Variants in RNF19B observed in about 807,000 individuals in gnomAD.
The protein encoded by RNF19B is ring finger protein 19B.
Under a neutral mutation model 65.5 loss-of-function variants are expected in RNF19B, and 23 were observed. The ratio of observed to expected loss-of-function variants is 0.35; its 90% confidence interval spans 0.25 to 0.50. RNF19B has a LOEUF of 0.50. Ranked by LOEUF, RNF19B falls within the 20% of genes least tolerant of loss-of-function variation. RNF19B has a pLI of 0.98. For synonymous variants in RNF19B, 372 were observed against 379.6 expected (o/e 0.98, Z 0.23); for missense variants, 794 against 980.0 (o/e 0.81, Z 2.53).
intron 1 of RNF19B, among the ~76,000 whole-genome samples, chr1:32,954,639 G>A (rs1486743587): frequency 1.3e-5 from 2 of 151,462 alleles, no homozygotes; most frequent in Admixed American, 1.3e-4. Context: ...TCGGGAGGCT[G>A]AGGCAGGAGA....
chr1:32,947,368 C>A (rs1378821313), intron 3 of RNF19B, among the ~76,000 whole-genome samples: 2 of 152,168 alleles, frequency 1.3e-5, no homozygotes, highest in Non-Finnish European at 2.9e-5. Context: ...TTTTAATATT[C>A]ACTCAATGAG....
At chr1:32,938,607 C>T in intron 7 of RNF19B, 79 bp from the exon 8 acceptor site, 2 of 1,427,926 alleles carry the variant, frequency 1.4e-6, no homozygotes, top group Non-Finnish European at 1.9e-6. Context: ...CACATCTCTT[C>T]CATTACTCTC....
At chr1:32,962,207 G>A (rs1642786688) in intron 1 of RNF19B, among the ~76,000 whole-genome samples, 1 of 152,172 alleles carries the variant, frequency 6.6e-6, no homozygotes, top group African/African-American at 2.4e-5. Context: ...GACCTCAGGT[G>A]ATCCACCCAC....
chr1:32,946,393 C>T lies in RNF19B; in HGVS notation c.1146+9G>A. On this transcript the variant is annotated intron_variant, in intron 4 of 8. Coordinates refer to ENST00000235150, the MANE Select transcript of RNF19B (RefSeq NM_001300826.2). Reference sequence around the variant, plus strand: ...GAAACAAGCACAGAAACCAGCATGTCTTTCTTACCTTCCTTCCAACATAAA... The same window carrying T: ...GAAACAAGCACAGAAACCAGCATGTTTTTCTTACCTTCCTTCCAACATAAA... 1 of 1,612,960 alleles carries T rather than the reference C, an allele frequency of 6.2e-7. No homozygotes were observed. Among genetic ancestry groups the T allele is most frequent in the East Asian group, 2.2e-5 (1 of 44,830 alleles).
Position 32,936,899 on chromosome 1 carries a change from T to C in RNF19B, c.2103A>G (p.Gln701=). ...TATGGGCACTTGGGCTCGGTGCACC[T>C]TGGGCTCTGGGGGTCGAGGGGCAGG... ...TAACPSTPRA[Q]GAPSPSAHMN... is the part of the protein sequence containing the mutation. The change falls in exon 9 of 9, where the codon CAA becomes CAG. Residue 701 remains glutamine (Q), a synonymous_variant. Transcript: ENST00000235150. The C allele has an allele frequency of 6.2e-7, 1 of 1,614,002 alleles. No individual in the cohort carries two copies. The highest frequency in any genetic ancestry group is 8.5e-7 in the Non-Finnish European group (1 of 1,179,974).
chr1:32,929,128 G>C, the RNF19B span, among the ~76,000 whole-genome samples: 1 of 152,154 alleles, frequency 6.6e-6, no homozygotes, highest in Non-Finnish European at 1.5e-5. Context: ...GGCTGTGGGG[G>C]AGGATCTGTT....
At position 32,964,329 on chromosome 1, in the gene RNF19B, A is replaced by C. The variant is rs1315246384; in HGVS notation, c.357T>G (p.Cys119Trp). ...GGGPGAEEVECPLCLVRLPPE... is the reference protein window; with the variant it reads ...GGGPGAEEVEWPLCLVRLPPE... ...GCGGCAGCCGCACCAGGCACAGCGG[A>C]CACTCCACCTCCTCCGCGCCCGGGC... Residue 119 changes from cysteine (C) to tryptophan (W), a missense_variant, in exon 1 of 9, where the codon TGT (cysteine) becomes TGG (tryptophan). Cys to Trp is a radical substitution (Grantham distance 215). Coordinates refer to ENST00000235150, the MANE Select transcript of RNF19B (RefSeq NM_001300826.2). This position sits in a 1 kb window ranked among gnomAD's most constrained non-coding sequence, Gnocchi z 6.5. 1.3e-6 allele frequency: 2 copies of C among 1,495,852 alleles called. No individual in the cohort carries two copies. Among genetic ancestry groups the C allele is most frequent in the Admixed American group, 2.2e-5 (1 of 45,642 alleles). The allele number at this position is 1,495,852 out of a possible 1,614,324, so 92.7% of individuals were successfully genotyped here.
intron 3 of RNF19B, among the ~76,000 whole-genome samples, chr1:32,947,349 T>C (rs201085920): frequency 3.9e-5 from 6 of 152,342 alleles, no homozygotes; most frequent in South Asian, 2.1e-4. Flanking sequence ...TATTAACTCC[T>C]CCACAACATT....
At chr1:32,949,414 T>C (rs1174838924) in intron 2 of RNF19B, among the ~76,000 whole-genome samples, 155 bp downstream of exon 2, 2 of 152,234 alleles carry the variant, frequency 1.3e-5, no homozygotes, top group East Asian at 3.8e-4. Flanking sequence ...GGAAGTGCTA[T>C]CTTTATTATA....
chr1:32,940,595 T>C lies in RNF19B; in HGVS notation c.1610+1657A>G, dbSNP rs74843990. ...CCCTTTAGCTTCTGCCAAGTCATCT[T>C]AATCTACCTTTTGGTATGAGGCATA... is the stretch of plus-strand genomic sequence containing the variant. On this transcript the variant is annotated intron_variant, in intron 7 of 8. Coordinates refer to ENST00000235150, the MANE Select transcript of RNF19B (RefSeq NM_001300826.2). Among the ~76,000 whole-genome samples, 464 of 152,340 alleles carry C rather than the reference T, an allele frequency of 3.0e-3. 1 individual carries two copies. Among genetic ancestry groups the C allele is most frequent in the Non-Finnish European group, 5.2e-3 (356 of 68,028 alleles).
At position 32,958,807 on chromosome 1, in the gene RNF19B, C is replaced by A. The variant is rs923074040; in HGVS notation, c.635+5244G>T. Among the ~76,000 whole-genome samples, 6 of 152,012 alleles carry A rather than the reference C, an allele frequency of 3.9e-5. No homozygotes were observed. In the East Asian group the frequency reaches 1.2e-3, roughly 29 times the overall value. On this transcript the variant is annotated intron_variant, in intron 1 of 8. Transcript: ENST00000235150. ...AGTTCTCAAAGACATAATAAGAACT[C>A]ATCTTATAGGTTAGGTAGTCAATGA...
intron 1 of RNF19B, among the ~76,000 whole-genome samples, chr1:32,953,887 C>G (rs1042373756): frequency 2.0e-5 from 3 of 151,260 alleles, no homozygotes; most frequent in African/African-American, 4.9e-5. Flanking sequence ...TTAACATTCC[C>G]CCAGCCCCCA....
intron 1 of RNF19B, among the ~76,000 whole-genome samples, chr1:32,961,069 T>C (rs979383): frequency 0.15 from 22,249 of 152,110 alleles, 2,276 homozygotes; most frequent in African/African-American, 0.28. Context: ...AACTCAGGCA[T>C]CTATTTGGCA....
At chr1:32,946,594 C>T (rs1642371838) in intron 3 of RNF19B, 30 bp from the exon 4 acceptor site, 1 of 1,600,712 alleles carries the variant, frequency 6.2e-7, no homozygotes, top group Non-Finnish European at 8.5e-7. Context: ...AAGTTAATGT[C>T]AACATTACAA....
chr1:32,946,352 T>C (rs773106988), intron 4 of RNF19B, 50 bp downstream of exon 4: 15 of 1,560,720 alleles, frequency 9.6e-6, no homozygotes, highest in Non-Finnish European at 1.2e-5. Flanking sequence ...AAACCTTTAC[T>C]AACGAACCTA....
chr1:32,946,636 C>T, intron 3 of RNF19B, 72 bp from the exon 4 acceptor site: 1 of 1,299,376 alleles, frequency 7.7e-7, no homozygotes, highest in Non-Finnish European at 1.1e-6. Context: ...GGCTTGATAA[C>T]AGCAACAGCC....
At position 32,952,528 on chromosome 1, in the gene RNF19B, G is replaced by A. The variant is rs1201782647; in HGVS notation, c.636-2754C>T. Among the ~76,000 whole-genome samples, 4 of 151,260 alleles carry A rather than the reference G, an allele frequency of 2.6e-5. No homozygotes were observed. The South Asian group carries it at 6.2e-4, about 24-fold the overall frequency. On this transcript the variant is annotated intron_variant, in intron 1 of 8. Coordinates refer to ENST00000235150, the MANE Select transcript of RNF19B (RefSeq NM_001300826.2). The stretch of plus-strand genomic sequence containing the variant: ...GACACTGAGGCAGGCAAGTCACAAG[G>A]TCAGGAGTTCGAGACCAGCCTGGCC...
chr1:32,940,791 C>G (rs1430117690), intron 7 of RNF19B, among the ~76,000 whole-genome samples: 1 of 152,206 alleles, frequency 6.6e-6, no homozygotes, highest in African/African-American at 2.4e-5. Flanking sequence ...AATATACACT[C>G]TGGTCTGCCT....
chr1:32,962,286 C>T (rs372134962), intron 1 of RNF19B, among the ~76,000 whole-genome samples: 23 of 152,000 alleles, frequency 1.5e-4, no homozygotes, highest in Non-Finnish European at 2.9e-4. Flanking sequence ...TCTTAATATT[C>T]GTTTGGTTAA....
Sources: allele counts gnomAD v4.1 joint callset (sites outside exome capture counted in the v4.1 genomes callset), GRCh38; gene constraint gnomAD v4.1.1; non-coding constraint Gnocchi (gnomAD v3.1); transcripts MANE v1.5; gene names NCBI Gene and HGNC (gene_info 2026-07-23, HGNC 2026-07-21).